The following PEBP4 variants were observed in gnomAD, a reference collection of about 807,000 sequenced individuals.
The protein encoded by PEBP4 is phosphatidylethanolamine-binding protein 4.
A neutral mutation model predicts 23.9 loss-of-function variants in PEBP4; 22 were observed. The observed-to-expected ratio is 0.92, with a 90% CI of 0.66 to 1.31. The LOEUF is 1.31. Among genes scored for constraint, PEBP4 ranks in the 40% most tolerant of loss-of-function variants. PEBP4 has a pLI of 0.00. For synonymous variants in PEBP4, 112 were observed against 99.3 expected (o/e 1.13, Z -0.76); for missense variants, 324 against 281.7 (o/e 1.15, Z -1.07).
At chr8:22,854,976 GA>G (rs1293459375) in intron 3 of PEBP4, among the ~76,000 whole-genome samples, 3 of 145,064 alleles carry the variant, frequency 2.1e-5, no homozygotes, top group African/African-American at 7.7e-5. Context: ...TTGTCCAAAT[GA>G]GTGTGTATGT....
At chr8:22,929,385 C>T (rs767016903), upstream of PEBP4, among the ~76,000 whole-genome samples, 4 of 152,248 alleles carry the variant, frequency 2.6e-5, no homozygotes, top group Non-Finnish European at 5.9e-5. Context: ...ATGGCATCCA[C>T]TAGAGAAGTC....
At chr8:22,740,054 G>T (rs907595034) in intron 4 of PEBP4, among the ~76,000 whole-genome samples, 2 of 152,148 alleles carry the variant, frequency 1.3e-5, no homozygotes, top group Non-Finnish European at 2.9e-5. Flanking sequence ...ACTTGGCTCT[G>T]GTGGGAAGAG....
chr8:22,908,589 C>T (rs371569246), intron 3 of PEBP4, among the ~76,000 whole-genome samples: 9 of 152,118 alleles, frequency 5.9e-5, no homozygotes, highest in African/African-American at 1.4e-4. Flanking sequence ...CAAGCAACAG[C>T]GCTAGGATTT....
intron 4 of PEBP4, among the ~76,000 whole-genome samples, chr8:22,772,711 T>A (rs1208461618): frequency 6.6e-6 from 1 of 152,192 alleles, no homozygotes; most frequent in Non-Finnish European, 1.5e-5. Flanking sequence ...AGCTATGAAC[T>A]GAGAGGCTGG....
chr8:22,729,485 C>A (rs1804687816), intron 4 of PEBP4, among the ~76,000 whole-genome samples: 1 of 152,248 alleles, frequency 6.6e-6, no homozygotes, highest in Admixed American at 6.5e-5. Context: ...GATCAGGGAG[C>A]TGGTTTGTGC....
rs376727009 is a variant in PEBP4 at position 22,927,643 on chromosome 8, C to G, written c.72G>C (p.Glu24Asp). Residue 24 changes from glutamate (E) to aspartate (D), a missense_variant, in exon 2 of 7, where the codon GAG (glutamate) becomes GAC (aspartate). Transcript: ENST00000256404. Reference sequence around the variant, plus strand: ...CATGGGCACACGGGCTGTTCTCATCCTCGTCTCCAGTGACCACCATCATGA... The same window carrying G: ...CATGGGCACACGGGCTGTTCTCATCGTCGTCTCCAGTGACCACCATCATGA... The part of the protein sequence containing the change: ...LGLMMVVTGD[E>D]DENSPCAHEA... 9.9e-6 allele frequency: 16 copies of G among 1,614,038 alleles called. No individual in the cohort carries two copies. The highest frequency in any genetic ancestry group is 1.4e-5 in the Non-Finnish European group (16 of 1,179,932).
At chr8:22,912,255 A>G (rs6997691) in intron 3 of PEBP4, among the ~76,000 whole-genome samples, 68,645 of 151,686 alleles carry the variant, frequency 0.45, 15,514 homozygotes, top group Middle Eastern at 0.49. Context: ...CAGACAAGTG[A>G]TAACAACAAC....
At chr8:22,900,143 G>T (rs371702611) in intron 3 of PEBP4, among the ~76,000 whole-genome samples, 2 of 152,158 alleles carry the variant, frequency 1.3e-5, no homozygotes, top group Non-Finnish European at 2.9e-5. Context: ...TAAGTGGCTG[G>T]AAACATGTGA....
At chr8:22,838,154 G>T (rs779066110) in intron 3 of PEBP4, among the ~76,000 whole-genome samples, 1 of 151,960 alleles carries the variant, frequency 6.6e-6, no homozygotes, top group Non-Finnish European at 1.5e-5. Context: ...TCTCACCTTG[G>T]CCTCCCAAAG....
At chr8:22,713,614 G>A in intron 6 of PEBP4, 78 bp from the exon 7 acceptor site, 1 of 1,598,704 alleles carries the variant, frequency 6.3e-7, no homozygotes, top group East Asian at 2.2e-5. Flanking sequence ...CTGAGAGGGA[G>A]GCCGGCTCGT....
chr8:22,793,701 T>A (rs1385243587), intron 4 of PEBP4, among the ~76,000 whole-genome samples: 2 of 152,194 alleles, frequency 1.3e-5, no homozygotes, highest in African/African-American at 2.4e-5. Flanking sequence ...TGTGGATGAA[T>A]TTTTGCTCAC....
At chr8:22,791,401 A>G (rs887025419) in intron 4 of PEBP4, among the ~76,000 whole-genome samples, 5 of 152,160 alleles carry the variant, frequency 3.3e-5, no homozygotes, top group African/African-American at 1.2e-4. Flanking sequence ...CCCTCTCTCA[A>G]ATTTTAATTT....
In PEBP4 at chr8:22,784,653, G is replaced by A. The variant is rs1175088316; in HGVS notation, c.357+32984C>T. Among the ~76,000 whole-genome samples, 4 of 152,284 alleles carry A rather than the reference G, an allele frequency of 2.6e-5. 1 individual carries two copies. The highest frequency in any genetic ancestry group is 4.1e-4 in the South Asian group (2 of 4,826). Reference sequence around the variant, plus strand: ...CAAACCTGCATTTAAATAAGCAGCCGCCCGGGTGTTTGTAACCACCGCCTT... The same window carrying A: ...CAAACCTGCATTTAAATAAGCAGCCACCCGGGTGTTTGTAACCACCGCCTT... On this transcript the variant is annotated intron_variant, in intron 4 of 6. Coordinates refer to ENST00000256404, the MANE Select transcript of PEBP4 (RefSeq NM_144962.3).
chr8:22,775,214 G>T lies in PEBP4; in HGVS notation c.357+42423C>A, dbSNP rs1805791472. On this transcript the variant is annotated intron_variant, in intron 4 of 6. Transcript: ENST00000256404. This position sits in a 1 kb window ranked among gnomAD's most constrained non-coding sequence, Gnocchi z 4.8. ...CCTCTCTTCCTTCTCCATATCAACTGGCCCCTTCTACCCGAGAAAGCTGCC... is the reference window on the plus strand; with the variant it reads ...CCTCTCTTCCTTCTCCATATCAACTTGCCCCTTCTACCCGAGAAAGCTGCC... Among the ~76,000 whole-genome samples the T allele has an allele frequency of 6.6e-6, 1 of 152,166 alleles. No homozygotes were observed. Among genetic ancestry groups the T allele is most frequent in the Non-Finnish European group, 1.5e-5 (1 of 68,032 alleles).
intron 3 of PEBP4, chr8:22,895,730 C>T (rs773230848): frequency 6.6e-6 from 1 of 152,204 alleles, no homozygotes; most frequent in African/African-American, 2.4e-5. Context: ...TCTTTTCTCT[C>T]TTTATATTTC....
chr8:22,779,842 A>G (rs1805881802), intron 4 of PEBP4, among the ~76,000 whole-genome samples: 3 of 152,244 alleles, frequency 2.0e-5, no homozygotes, highest in African/African-American at 4.8e-5. Flanking sequence ...AAACCATCAC[A>G]TGGGCGACTT....
intron 4 of PEBP4, among the ~76,000 whole-genome samples, chr8:22,759,371 A>C (rs1313396644): frequency 6.7e-6 from 1 of 149,594 alleles, no homozygotes; most frequent in South Asian, 2.1e-4. Flanking sequence ...TTTTTTCCTC[A>C]ACAAAGGGTG....
At chr8:22,925,404 T>A (rs958838613) in intron 2 of PEBP4, 4 of 850,632 alleles carry the variant, frequency 4.7e-6, no homozygotes. Context: ...GGGGGCTAGA[T>A]CTTGGCTCTG....
intron 4 of PEBP4, among the ~76,000 whole-genome samples, chr8:22,781,398 A>G (rs543869376): frequency 6.6e-6 from 1 of 152,190 alleles, no homozygotes; most frequent in South Asian, 2.1e-4. Flanking sequence ...TTTTCCCCAC[A>G]CTTCCTCAGG....
Sources: gnomAD v4.1 joint callset for allele counts (sites outside exome capture counted in the v4.1 genomes callset) on GRCh38, gnomAD v4.1.1 for gene constraint, Gnocchi (gnomAD v3.1) non-coding constraint, MANE v1.5 for transcripts, NCBI Gene and HGNC (gene_info 2026-07-23, HGNC 2026-07-21) for gene names.